The following GALNT2 variants were observed in gnomAD, a reference collection of about 807,000 sequenced individuals.
GALNT2 encodes the protein polypeptide N-acetylgalactosaminyltransferase 2, also known as UDP-GalNAc:polypeptide N-acetylgalactosaminyltransferase 2.
A neutral mutation model predicts 81.4 loss-of-function variants in GALNT2; 31 were observed. That is an observed-to-expected ratio of 0.38 (90% CI 0.29 to 0.51). The LOEUF (loss-of-function observed/expected upper bound fraction) is 0.51. GALNT2 is among the 20% of genes least tolerant of loss of function. The pLI is 0.87. For missense variants in GALNT2, 629 were observed against 765.7 expected (o/e 0.82, Z 2.11); for synonymous variants, 303 against 287.4 (o/e 1.05, Z -0.55).
rs764659688 is a variant in GALNT2, at chr1:230,067,383, G to A, written c.103G>A (p.Ala35Thr). The change falls in exon 1 of 16, where the codon GCG becomes ACG. Residue 35 changes from alanine (A) to threonine (T), a missense_variant. Coordinates refer to ENST00000366672, the MANE Select transcript of GALNT2 (RefSeq NM_004481.5). ...SGGGSALAGG[A>T]GGGAGRKEDW... Reference sequence around the variant, plus strand: ...GGGCGGCTCTGCGCTGGCCGGGGGCGCGGGCGGCGGCGCCGGCAGGAAGGT... The same window carrying A: ...GGGCGGCTCTGCGCTGGCCGGGGGCACGGGCGGCGGCGCCGGCAGGAAGGT... The A allele has an allele frequency of 3.9e-5, 50 of 1,275,786 alleles. No individual in the cohort carries two copies. Among genetic ancestry groups the A allele is most frequent in the Non-Finnish European group, 4.7e-5 (47 of 1,005,206 alleles). The allele number at this position is 1,275,786 out of a possible 1,614,324, so 79.0% of individuals were successfully genotyped here.
chr1:230,241,791 T>C (rs544433765), intron 6 of GALNT2, among the ~76,000 whole-genome samples: 49 of 152,328 alleles, frequency 3.2e-4, no homozygotes, highest in African/African-American at 1.1e-3. Flanking sequence ...ACATAGTCTA[T>C]ATTCCTATGT....
chr1:230,159,391 G>C (rs929245213), intron 1 of GALNT2, among the ~76,000 whole-genome samples: 1 of 152,222 alleles, frequency 6.6e-6, no homozygotes, highest in African/African-American at 2.4e-5. Flanking sequence ...GACCCTGAGT[G>C]TGAGGCTAGG....
rs550864992 is a variant in GALNT2 at position 230,175,036 on chromosome 1, C to T, written c.127-3182C>T. Among the ~76,000 whole-genome samples, 7 of 152,328 alleles carry T rather than the reference C, an allele frequency of 4.6e-5. No homozygotes were observed. In the South Asian group the frequency reaches 1.2e-3, roughly 27 times the overall value. On this transcript the variant is annotated intron_variant, in intron 1 of 15. Transcript: ENST00000366672. ...CTTTGCACAGCACAGGCCAAGATGC[C>T]TGGCCCCTGCTGTGTCTCTAGGAGC...
At chr1:230,269,406 G>A (rs888646081) in intron 14 of GALNT2, among the ~76,000 whole-genome samples, 3 of 151,974 alleles carry the variant, frequency 2.0e-5, no homozygotes, top group Non-Finnish European at 2.9e-5. Flanking sequence ...GGCTGGTCTC[G>A]AACTCGTGAC....
intron 1 of GALNT2, among the ~76,000 whole-genome samples, chr1:230,174,081 C>T (rs1237604642): frequency 6.6e-6 from 1 of 152,188 alleles, no homozygotes; most frequent in East Asian, 1.9e-4. Flanking sequence ...CCCCCAAGTG[C>T]TAACTGAATG....
At chr1:230,145,011 C>A (rs934718775) in intron 1 of GALNT2, among the ~76,000 whole-genome samples, 6 of 152,108 alleles carry the variant, frequency 3.9e-5, no homozygotes, top group Non-Finnish European at 8.8e-5. Flanking sequence ...ACAAACCAAG[C>A]AAGGTGAGAG....
At position 230,246,189 on chromosome 1, in the gene GALNT2, G is replaced by A. The variant is rs368948891; in HGVS notation, c.817+39G>A. ...ATGGTGCCCCTGCCTAGCTCGTCCC[G>A]TCTACACCAGCATCTGATCACCACT... On this transcript the variant is annotated intron_variant, in intron 8 of 15. Coordinates refer to ENST00000366672, the MANE Select transcript of GALNT2 (RefSeq NM_004481.5). The A allele has an allele frequency of 8.7e-5, 123 of 1,408,778 alleles. 1 individual carries two copies. Among genetic ancestry groups the A allele is most frequent in the African/African-American group, 7.2e-4 (51 of 70,776 alleles). 87.3% of individuals were successfully genotyped at this position (1,408,778 alleles called of 1,614,324 possible).
chr1:230,067,256 C>A lies in GALNT2; in HGVS notation c.-25C>A. On this transcript the variant is annotated 5_prime_UTR_variant, in exon 1 of 16. Transcript: ENST00000366672. ...AGGCAGCACTCGCGAGCAGCGGCGGCCCCGCCGGCGGCCGAGTTGGGAGAA... is the reference window on the plus strand; with the variant it reads ...AGGCAGCACTCGCGAGCAGCGGCGGACCCGCCGGCGGCCGAGTTGGGAGAA... 1.6e-6 allele frequency: 2 copies of A among 1,278,070 alleles called. No individual in the cohort carries two copies. Among genetic ancestry groups the A allele is most frequent in the African/African-American group, 1.6e-5 (1 of 63,572 alleles). The allele number at this position is 1,278,070 out of a possible 1,614,324, so 79.2% of individuals were successfully genotyped here.
intron 1 of GALNT2, among the ~76,000 whole-genome samples, chr1:230,160,519 C>A (rs1375966812): frequency 6.6e-6 from 1 of 152,130 alleles, no homozygotes; most frequent in Admixed American, 6.5e-5. Context: ...TGAGACCACC[C>A]TGGCCAACAT....
chr1:230,069,518 A>G (rs529132038), intron 1 of GALNT2, among the ~76,000 whole-genome samples: 4 of 152,298 alleles, frequency 2.6e-5, no homozygotes, highest in Admixed American at 1.3e-4. Context: ...TGGAAGACTC[A>G]TTAACTTCGT....
intron 1 of GALNT2, among the ~76,000 whole-genome samples, chr1:230,061,837 G>A (rs1473677427): frequency 2.0e-5 from 3 of 152,094 alleles, no homozygotes; most frequent in African/African-American, 4.8e-5. Flanking sequence ...TTTTCTGCAT[G>A]GAGTGCTTTC....
In GALNT2 at chr1:230,257,579, A is replaced by T. The variant is rs988181122; in HGVS notation, c.1136+2235A>T. On this transcript the variant is annotated intron_variant, in intron 11 of 15. Coordinates refer to ENST00000366672, the MANE Select transcript of GALNT2 (RefSeq NM_004481.5). This position sits in a 1 kb window ranked among gnomAD's most constrained non-coding sequence, Gnocchi z 4.6. ...CATGTAGCCTAGGTGTATATTAAGG[A>T]TACACCATCTAGGTTTGTGTAAATA... Among the ~76,000 whole-genome samples the T allele has an allele frequency of 7.6e-4, 116 of 152,342 alleles. 1 individual carries two copies. Among genetic ancestry groups the T allele is most frequent in the South Asian group, 2.1e-4 (1 of 4,830 alleles).
At chr1:230,231,407 T>TG (rs1664860975) in intron 3 of GALNT2, among the ~76,000 whole-genome samples, 1 of 152,140 alleles carries the variant, frequency 6.6e-6, no homozygotes, top group African/African-American at 2.4e-5. Flanking sequence ...GGGGTGAGGG[T>TG]GGGGCATGGC....
At position 230,136,068 on chromosome 1, in the gene GALNT2, G is replaced by A. The variant is rs1181750754; in HGVS notation, c.127-42150G>A. Among the ~76,000 whole-genome samples the A allele has an allele frequency of 3.3e-5, 5 of 152,258 alleles. No individual in the cohort carries two copies. The East Asian group carries it at 9.7e-4, about 29-fold the overall frequency. Reference sequence around the variant, plus strand: ...AAGGATATATTCTGGAGCGTTGTCAGGAGAATTGAATGAGCTGCATGTGTA... The same window carrying A: ...AAGGATATATTCTGGAGCGTTGTCAAGAGAATTGAATGAGCTGCATGTGTA... On this transcript the variant is annotated intron_variant, in intron 1 of 15. Coordinates refer to ENST00000366672, the MANE Select transcript of GALNT2 (RefSeq NM_004481.5).
intron 3 of GALNT2, among the ~76,000 whole-genome samples, chr1:230,225,565 AG>A (rs1664680944): frequency 6.6e-6 from 1 of 151,776 alleles, no homozygotes; most frequent in African/African-American, 2.4e-5. Flanking sequence ...TAGTCATGGT[AG>A]ACTTTGAGGA....
At position 230,138,783 on chromosome 1, in the gene GALNT2, C is replaced by T. The variant is rs73109850; in HGVS notation, c.127-39435C>T. On this transcript the variant is annotated intron_variant, in intron 1 of 15. Coordinates refer to ENST00000366672, the MANE Select transcript of GALNT2 (RefSeq NM_004481.5). ...TAAACTGTCATGGCACTGATGGGAG[C>T]GTCTTTTAGCTATTGTGTTATAATT... Among the ~76,000 whole-genome samples the T allele has an allele frequency of 5.4e-3, 826 of 152,208 alleles. 8 individuals carry two copies. The highest frequency in any genetic ancestry group is 0.018 in the African/African-American group (750 of 41,510).
intron 1 of GALNT2, among the ~76,000 whole-genome samples, chr1:230,106,465 C>T (rs1660548989): frequency 6.6e-6 from 1 of 152,204 alleles, no homozygotes; most frequent in Non-Finnish European, 1.5e-5. Context: ...ACCCAGCCAC[C>T]TGAGGTTGTG....
intron 2 of GALNT2, among the ~76,000 whole-genome samples, chr1:230,186,898 A>T (rs1427686441): frequency 1.3e-5 from 2 of 152,246 alleles, no homozygotes; most frequent in African/African-American, 4.8e-5. Context: ...AAACCAACAT[A>T]CACATAATTT....
At chr1:230,176,538 A>G (rs1662985441) in intron 1 of GALNT2, among the ~76,000 whole-genome samples, 1 of 152,198 alleles carries the variant, frequency 6.6e-6, no homozygotes, top group South Asian at 2.1e-4. Context: ...CCTCAAAATA[A>G]AAATTAATGC....
Sources: gnomAD v4.1 joint callset for allele counts (sites outside exome capture counted in the v4.1 genomes callset) on GRCh38, gnomAD v4.1.1 for gene constraint, Gnocchi (gnomAD v3.1) non-coding constraint, MANE v1.5 for transcripts, NCBI Gene and HGNC (gene_info 2026-07-23, HGNC 2026-07-21) for gene names.